PPP2R2C: variants seen among roughly 807,000 people sequenced by gnomAD.
PPP2R2C encodes protein phosphatase 2 regulatory subunit Bgamma.
Under a neutral mutation model 45.3 loss-of-function variants are expected in PPP2R2C, and 10 were observed. The ratio of observed to expected loss-of-function variants is 0.22; its 90% confidence interval spans 0.14 to 0.37. PPP2R2C has a LOEUF of 0.37. PPP2R2C is among the 10% of genes least tolerant of loss of function. PPP2R2C has a pLI of 1.00. For missense variants in PPP2R2C, 308 were observed against 619.7 expected (o/e 0.50, Z 5.34); for synonymous variants, 257 against 245.4 (o/e 1.05, Z -0.44).
rs552487712 is a variant in PPP2R2C at position 6,346,757 on chromosome 4, T to C, written c.790+1089A>G. On this transcript the variant is annotated intron_variant, in intron 6 of 8. Transcript: ENST00000382599. ...CTGGGGCTGGTGTGCACCCTGTCTCTGACTGCCCAGCAAAACCAGACACCC... is the reference window on the plus strand; with the variant it reads ...CTGGGGCTGGTGTGCACCCTGTCTCCGACTGCCCAGCAAAACCAGACACCC... Among the ~76,000 whole-genome samples the C allele has an allele frequency of 9.9e-5, 15 of 152,236 alleles. No homozygotes were observed. The South Asian group carries it at 3.1e-3, about 32-fold the overall frequency.
At chr4:6,412,054 C>T (rs1718234707) in intron 1 of PPP2R2C, among the ~76,000 whole-genome samples, 2 of 152,202 alleles carry the variant, frequency 1.3e-5, no homozygotes, top group African/African-American at 4.8e-5. Flanking sequence ...CCATGATGTC[C>T]AGCTCTGGGC....
chr4:6,447,034 A>G (rs1053135273), intron 1 of PPP2R2C, among the ~76,000 whole-genome samples: 11 of 152,140 alleles, frequency 7.2e-5, no homozygotes, highest in African/African-American at 2.7e-4. Context: ...TCCTGCCAGG[A>G]GGTCCTGCCA....
chr4:6,364,161 A>G lies in PPP2R2C; in HGVS notation c.625+8362T>C, dbSNP rs1346104776. On this transcript the variant is annotated intron_variant, in intron 5 of 8. Transcript: ENST00000382599. This position sits in a 1 kb window ranked among gnomAD's most constrained non-coding sequence, Gnocchi z 5.3. ...GGGGCTCGAGGGAGTCATGGAGGGG[A>G]TGGACTAGTTCCGACAGACTGGTCA... Among the ~76,000 whole-genome samples the G allele has an allele frequency of 6.6e-6, 1 of 152,094 alleles. No homozygotes were observed. Among genetic ancestry groups the G allele is most frequent in the African/African-American group, 2.4e-5 (1 of 41,410 alleles).
At chr4:6,412,794 T>C (rs906145053) in intron 1 of PPP2R2C, among the ~76,000 whole-genome samples, 2 of 152,122 alleles carry the variant, frequency 1.3e-5, no homozygotes, top group Non-Finnish European at 2.9e-5. Context: ...CATGAGGTCA[T>C]GAGGGTGGAG....
intron 5 of PPP2R2C, among the ~76,000 whole-genome samples, chr4:6,357,019 G>T (rs562634614): frequency 6.6e-6 from 1 of 151,706 alleles, no homozygotes; most frequent in South Asian, 2.1e-4. Context: ...GGAGCAGGAG[G>T]AGAAAGTCAC....
chr4:6,440,083 T>C (rs973924118), intron 1 of PPP2R2C, among the ~76,000 whole-genome samples: 17 of 152,252 alleles, frequency 1.1e-4, no homozygotes, highest in Non-Finnish European at 2.2e-4. Context: ...GGGTGGCCCA[T>C]CTTTTCCCAG....
Position 6,328,484 on chromosome 4 carries a change from A to G in PPP2R2C, c.1052+778T>C, listed in dbSNP as rs890090185. Among the ~76,000 whole-genome samples, 1 of 152,150 alleles carries G rather than the reference A, an allele frequency of 6.6e-6. No individual in the cohort carries two copies. The highest frequency in any genetic ancestry group is 1.5e-5 in the Non-Finnish European group (1 of 68,008). On this transcript the variant is annotated intron_variant, in intron 8 of 8. Coordinates refer to ENST00000382599, the MANE Select transcript of PPP2R2C (RefSeq NM_020416.4). This position sits in a 1 kb window ranked among gnomAD's most constrained non-coding sequence, Gnocchi z 4.4. ...TACGCCTGGCAGGACCCTGAGCACA[A>G]AGCTGATGTGATTTGGGAGGGCAGA...
intron 8 of PPP2R2C, among the ~76,000 whole-genome samples, chr4:6,326,048 C>T (rs991694441): frequency 1.3e-5 from 2 of 152,232 alleles, no homozygotes. Context: ...CTCTCCTCGC[C>T]CCTTGGCCTG....
At chr4:6,517,642 G>T (rs140133570) in intron 2 of PPP2R2C, among the ~76,000 whole-genome samples, 1 of 152,128 alleles carries the variant, frequency 6.6e-6, no homozygotes, top group Non-Finnish European at 1.5e-5. Flanking sequence ...ATTACCCTGC[G>T]GCTCTTTGGG....
At chr4:6,522,383 G>A (rs1298055533) in intron 2 of PPP2R2C, among the ~76,000 whole-genome samples, 1 of 152,266 alleles carries the variant, frequency 6.6e-6, no homozygotes, top group African/African-American at 2.4e-5. Flanking sequence ...GGAAATTGAG[G>A]CTGGCGAGGT....
At chr4:6,439,468 C>T (rs958989667) in intron 1 of PPP2R2C, among the ~76,000 whole-genome samples, 2 of 152,176 alleles carry the variant, frequency 1.3e-5, no homozygotes, top group African/African-American at 4.8e-5. Context: ...TCATTTCCAT[C>T]CCAGAAGAGG....
At chr4:6,363,909 T>C (rs542639445) in intron 5 of PPP2R2C, among the ~76,000 whole-genome samples, 2 of 152,296 alleles carry the variant, frequency 1.3e-5, no homozygotes, top group African/African-American at 4.8e-5. Context: ...AGCCTCAGTG[T>C]CAATGCCTTT....
intron 1 of PPP2R2C, among the ~76,000 whole-genome samples, chr4:6,442,387 G>A (rs146380941): frequency 1.3e-5 from 2 of 152,380 alleles, no homozygotes; most frequent in Non-Finnish European, 2.9e-5. Flanking sequence ...CTTGGACCCA[G>A]TGGAACCCAC....
rs765106367 is a variant in PPP2R2C, at chr4:6,487,058, T to C, written c.49+48213A>G. ...GTTTACAGTATACATCTTTAACTTA[T>C]CACAGTCTACCTTCAGGTGATATTA... On this transcript the variant is annotated intron_variant, in intron 2 of 9. Transcript: ENST00000506140. Among the ~76,000 whole-genome samples the C allele has an allele frequency of 7.2e-5, 11 of 152,094 alleles. 1 individual carries two copies. The highest frequency in any genetic ancestry group is 4.4e-5 in the Non-Finnish European group (3 of 67,934).
At chr4:6,440,969 T>C (rs952681714) in intron 1 of PPP2R2C, among the ~76,000 whole-genome samples, 2 of 152,102 alleles carry the variant, frequency 1.3e-5, no homozygotes, top group African/African-American at 2.4e-5. Flanking sequence ...CTCAGTCCCA[T>C]GGGAGCTCTG....
chr4:6,424,055 G>A (rs977414670), intron 1 of PPP2R2C, among the ~76,000 whole-genome samples: 3 of 152,228 alleles, frequency 2.0e-5, no homozygotes, highest in Non-Finnish European at 2.9e-5. Flanking sequence ...GAAGGGCCAC[G>A]GCAGAAGCTG....
At chr4:6,408,429 A>G (rs935302818) in intron 1 of PPP2R2C, among the ~76,000 whole-genome samples, 1 of 152,140 alleles carries the variant, frequency 6.6e-6, no homozygotes, top group African/African-American at 2.4e-5. Context: ...ACACCCTCCT[A>G]GAGGCAGCCA....
rs1714523736 is a variant in PPP2R2C at position 6,368,459 on chromosome 4, A to G, written c.625+4064T>C. On this transcript the variant is annotated intron_variant, in intron 5 of 8. Coordinates refer to ENST00000382599, the MANE Select transcript of PPP2R2C (RefSeq NM_020416.4). The surrounding 1 kb of genome is among the most constrained non-coding windows in gnomAD (Gnocchi z 4.2). ...TCACCCAAGAGGGCTGGCACACAGT[A>G]GGTGCTTAATAAATACCTGCTGGTA... Among the ~76,000 whole-genome samples, 1 of 152,190 alleles carries G rather than the reference A, an allele frequency of 6.6e-6. No individual in the cohort carries two copies. The highest frequency in any genetic ancestry group is 1.5e-5 in the Non-Finnish European group (1 of 68,042).
Position 6,330,687 on chromosome 4 carries a change from T to C in PPP2R2C, c.961-1334A>G, listed in dbSNP as rs1041705047. Among the ~76,000 whole-genome samples the C allele has an allele frequency of 3.3e-5, 5 of 152,166 alleles. No homozygotes were observed. Among genetic ancestry groups the C allele is most frequent in the Non-Finnish European group, 7.3e-5 (5 of 68,032 alleles). On this transcript the variant is annotated intron_variant, in intron 7 of 8. Transcript: ENST00000382599. The surrounding 1 kb of genome is among the most constrained non-coding windows in gnomAD (Gnocchi z 7.0). ...TTCAAATCTCCCTTCTTTCTCAGTC[T>C]CTATCCCCATCCTGTTGGTTCTGTT...
Sources: gnomAD v4.1 joint callset for allele counts (sites outside exome capture counted in the v4.1 genomes callset) on GRCh38, gnomAD v4.1.1 for gene constraint, Gnocchi (gnomAD v3.1) non-coding constraint, MANE v1.5 for transcripts, NCBI Gene and HGNC (gene_info 2026-07-23, HGNC 2026-07-21) for gene names.